The following BET1 variants were observed in gnomAD, a reference collection of about 807,000 sequenced individuals.
The protein encoded by BET1 is BET1 homolog.
In BET1, 9 loss-of-function variants were observed where a neutral mutation model predicts 13.9. That is an observed-to-expected ratio of 0.65 (90% CI 0.39 to 1.13). BET1 has a LOEUF of 1.13. Among genes scored for constraint, BET1 ranks in the 50% most tolerant of loss-of-function variants. BET1 has a pLI of 0.01. For synonymous variants in BET1, 39 were observed against 47.3 expected, an observed-to-expected ratio of 0.82 and a Z score of 0.72; for missense variants, 127 against 133.6, an observed-to-expected ratio of 0.95 and a Z score of 0.24.
chr7:93,970,428 A>C (rs1795243007), intron 6 of BET1, among the ~76,000 whole-genome samples: 1 of 151,774 alleles, frequency 6.6e-6, no homozygotes, highest in Non-Finnish European at 1.5e-5. Context: ...AGCTCTCGAG[A>C]AGAAAACACT....
intron 4 of BET1, among the ~76,000 whole-genome samples, chr7:93,983,165 A>G (rs1326732203): frequency 6.6e-6 from 1 of 152,150 alleles, no homozygotes; most frequent in African/African-American, 2.4e-5. Flanking sequence ...CTTGTTGATT[A>G]TTTTTGACCT....
At chr7:93,991,774 T>C (rs1795640973), downstream of BET1, 1 of 956,912 alleles carries the variant, frequency 1.0e-6, no homozygotes, top group South Asian at 4.8e-5. Context: ...CTACTCTGCT[T>C]CCCAATAAAT....
chr7:94,002,970 A>C (rs938045729), intron 1 of BET1, among the ~76,000 whole-genome samples: 1 of 152,144 alleles, frequency 6.6e-6, no homozygotes, highest in East Asian at 1.9e-4. Flanking sequence ...TGGTATTTGG[A>C]TGTATAGCGA....
chr7:93,990,257 AT>A (rs1362475417), downstream of BET1, among the ~76,000 whole-genome samples: 1 of 152,102 alleles, frequency 6.6e-6, no homozygotes, highest in Non-Finnish European at 1.5e-5. Context: ...TTCCTTAAAA[AT>A]AAGACACTTT....
downstream of BET1, among the ~76,000 whole-genome samples, chr7:93,989,477 A>G (rs1445513450): frequency 1.3e-5 from 2 of 152,196 alleles, no homozygotes; most frequent in Non-Finnish European, 2.9e-5. Context: ...AGCCATGCCC[A>G]AAAGGTAGAT....
downstream of BET1, among the ~76,000 whole-genome samples, chr7:93,990,615 C>A (rs762442066): frequency 1.9e-4 from 29 of 152,192 alleles, no homozygotes; most frequent in Middle Eastern, 6.8e-3. Flanking sequence ...CATAGTAGGA[C>A]AATTCTTTAC....
chr7:93,974,004 G>T (rs1795299402), intron 5 of BET1, among the ~76,000 whole-genome samples: 2 of 151,766 alleles, frequency 1.3e-5, no homozygotes, highest in Non-Finnish European at 2.9e-5. Context: ...TTCCCAAATG[G>T]GTACAGATTC....
At position 94,004,288 on chromosome 7, in the gene BET1, G is replaced by C; in HGVS notation, c.-72C>G. ...GTAGGAAACAGCTAGGGGCGACCCG[G>C]ACCGCGTCTTCAGTACCAGGGCCCA... On this transcript the variant is annotated 5_prime_UTR_variant, in exon 1 of 4. Transcript: ENST00000222547. The C allele has an allele frequency of 1.9e-6, 3 of 1,603,038 alleles. No homozygotes were observed. Among genetic ancestry groups the C allele is most frequent in the South Asian group, 1.1e-5 (1 of 90,800 alleles).
exon 7 of BET1, chr7:93,964,771 C>T (rs944712354): frequency 2.0e-5 from 3 of 151,976 alleles, no homozygotes; most frequent in Non-Finnish European, 2.9e-5. Flanking sequence ...CAATGAGATA[C>T]CACGAGATTG....
intron 6 of BET1, among the ~76,000 whole-genome samples, chr7:93,972,093 G>A (rs1445350488): frequency 6.6e-6 from 1 of 151,740 alleles, no homozygotes; most frequent in Non-Finnish European, 1.5e-5. Flanking sequence ...TCAAATATTT[G>A]GCCAGAATTT....
chr7:93,968,910 G>A (rs1478268998), intron 6 of BET1, among the ~76,000 whole-genome samples: 1 of 151,738 alleles, frequency 6.6e-6, no homozygotes, highest in Non-Finnish European at 1.5e-5. Flanking sequence ...ACATATTTTA[G>A]GGGATCTGTG....
intron 1 of BET1, among the ~76,000 whole-genome samples, chr7:94,001,354 T>C (rs1412583769): frequency 6.6e-6 from 1 of 152,240 alleles, no homozygotes; most frequent in Non-Finnish European, 1.5e-5. Context: ...GTGCATACCT[T>C]TGTCCAGAAT....
At chr7:93,972,194 C>T (rs548631032) in intron 6 of BET1, among the ~76,000 whole-genome samples, 1 of 151,914 alleles carries the variant, frequency 6.6e-6, no homozygotes, top group South Asian at 2.1e-4. Context: ...TCAGAGACAA[C>T]GTTTGCTTCT....
At chr7:93,992,744 A>T, downstream of BET1, 6 of 932,416 alleles carry the variant, frequency 6.4e-6, no homozygotes, top group Non-Finnish European at 7.7e-6. Context: ...CATACCAGGC[A>T]CTTTACAACA....
intron 5 of BET1, among the ~76,000 whole-genome samples, chr7:93,973,059 G>T (rs1795283687): frequency 6.6e-6 from 1 of 151,828 alleles, no homozygotes; most frequent in Non-Finnish European, 1.5e-5. Flanking sequence ...GAATACAAAG[G>T]AGAACAGGAA....
At position 93,963,133 on chromosome 7, in the gene BET1, G is replaced by A. The variant is rs1339945590; in HGVS notation, c.*2692C>T. On this transcript the variant is annotated 3_prime_UTR_variant and NMD_transcript_variant, in exon 7 of 7. Coordinates refer to the BET1 transcript ENST00000357520. ...AGTAGTTGTTGCTAACACAAGGACT[G>A]GGGTTAGTTAGAGATGTATTTTTTT... The A allele has an allele frequency of 4.6e-5, 7 of 152,044 alleles. No homozygotes were observed. The South Asian group carries it at 1.5e-3, about 32-fold the overall frequency. 9.4% of individuals were successfully genotyped at this position (152,044 alleles called of 1,614,324 possible). A position where few individuals can be genotyped will look rare whatever the true frequency, so the allele number is the denominator to read the frequency against.
rs751633859 is a variant in BET1 at position 93,999,655 on chromosome 7, T to C, written c.20-361A>G. ...AAGTTCTAAAAGCAGTAACATCATC[T>C]ACCCATTGAAAAAGCGTGGCTGTGA... On this transcript the variant is annotated intron_variant, in intron 1 of 3. Transcript: ENST00000222547. 103 of 457,608 alleles carry C rather than the reference T, an allele frequency of 2.3e-4. 3 individuals carry two copies. The Middle Eastern group carries it at 2.3e-3, about 10-fold the overall frequency. The allele number at this position is 457,608 out of a possible 1,614,324, so 28.3% of individuals were successfully genotyped here. A position where few individuals can be genotyped will look rare whatever the true frequency, so the allele number is the denominator to read the frequency against.
chr7:93,995,046 A>G (rs946768113), intron 3 of BET1, among the ~76,000 whole-genome samples: 1 of 152,178 alleles, frequency 6.6e-6, no homozygotes, highest in African/African-American at 2.4e-5. Context: ...GGGTTTCACC[A>G]TGTTGGCCAG....
At chr7:93,971,478 A>C (rs1164905259) in intron 6 of BET1, among the ~76,000 whole-genome samples, 5 of 151,842 alleles carry the variant, frequency 3.3e-5, no homozygotes, top group Non-Finnish European at 7.4e-5. Flanking sequence ...TGCTGAAATG[A>C]AAGTGGCATG....
Sources: allele counts gnomAD v4.1 joint callset (sites outside exome capture counted in the v4.1 genomes callset), GRCh38; gene constraint gnomAD v4.1.1; transcripts MANE v1.5; gene names NCBI Gene and HGNC (gene_info 2026-07-23, HGNC 2026-07-21).